DLGAP2: variants seen among roughly 807,000 people sequenced by gnomAD.
DLGAP2 encodes DLG associated protein 2, also known as disks large-associated protein 2.
Under a neutral mutation model 100.3 loss-of-function variants are expected in DLGAP2, and 26 were observed. The observed-to-expected ratio is 0.26, with a 90% CI of 0.19 to 0.36. The LOEUF is 0.36. Among genes scored for constraint, DLGAP2 ranks in the 10% least tolerant of loss-of-function variants. The pLI, the probability that DLGAP2 is intolerant of heterozygous loss-of-function variation, is 1.00. For synonymous variants in DLGAP2, 886 were observed against 630.1 expected (o/e 1.41, Z -6.08); for missense variants, 1,858 against 1,453.2 (o/e 1.28, Z -4.53).
chr8:1,097,538 C>G lies in DLGAP2; in HGVS notation c.74-161313C>G, dbSNP rs1804421577. ...CCCCTCCAGCGTGAGACCCACCTCC[C>G]TCTGCTCAGTAGAGTGGAGCTGGGA... is the stretch of plus-strand genomic sequence containing the variant. On this transcript the variant is annotated intron_variant, in intron 2 of 14. Coordinates refer to ENST00000637795, the MANE Select transcript of DLGAP2 (RefSeq NM_001346810.2). Among the ~76,000 whole-genome samples, 3 of 139,436 alleles carry G rather than the reference C, an allele frequency of 2.2e-5. 1 individual carries two copies. The highest frequency in any genetic ancestry group is 8.3e-5 in the African/African-American group (3 of 36,222). 91.5% of individuals were successfully genotyped at this position (139,436 alleles called of 152,430 possible).
chr8:1,218,616 G>C (rs1328646024), intron 2 of DLGAP2, among the ~76,000 whole-genome samples: 2 of 151,990 alleles, frequency 1.3e-5, no homozygotes, highest in Non-Finnish European at 2.9e-5. Flanking sequence ...TGGCTATTCA[G>C]GCTCTTTTTT....
At chr8:1,021,795 G>C (rs1050176843) in intron 2 of DLGAP2, among the ~76,000 whole-genome samples, 1 of 152,140 alleles carries the variant, frequency 6.6e-6, no homozygotes, top group African/African-American at 2.4e-5. Context: ...TGTGGGGTTG[G>C]AATGTGCACA....
intron 2 of DLGAP2, among the ~76,000 whole-genome samples, chr8:1,189,328 C>T (rs139198783): frequency 9.9e-5 from 15 of 151,946 alleles, no homozygotes; most frequent in African/African-American, 3.4e-4. Flanking sequence ...AGGAGCCCAT[C>T]GTAGGAGTCA....
At chr8:828,145 A>G in intron 1 of DLGAP2, among the ~76,000 whole-genome samples, 1 of 152,192 alleles carries the variant, frequency 6.6e-6, no homozygotes, top group Non-Finnish European at 1.5e-5. Flanking sequence ...ATTGCTAATG[A>G]AGTTTTGGGC....
At chr8:1,338,572 C>G (rs1171485536) in intron 3 of DLGAP2, among the ~76,000 whole-genome samples, 1 of 152,118 alleles carries the variant, frequency 6.6e-6, no homozygotes, top group Non-Finnish European at 1.5e-5. Flanking sequence ...TCTTGCACAC[C>G]TTTGTGAATA....
At chr8:759,146 A>G (rs1382260663) in intron 1 of DLGAP2, among the ~76,000 whole-genome samples, 18 of 39,804 alleles carry the variant, frequency 4.5e-4, no homozygotes, top group Admixed American at 1.6e-3. Context: ...CAGCTTTCCC[A>G]TTATCAATAC....
At chr8:1,025,418 ATTCT>A (rs1801769248) in intron 2 of DLGAP2, among the ~76,000 whole-genome samples, 1 of 152,202 alleles carries the variant, frequency 6.6e-6, no homozygotes, top group Non-Finnish European at 1.5e-5. Flanking sequence ...ATAAAATAGG[ATTCT>A]TTCCAGAGAA....
intron 6 of DLGAP2, among the ~76,000 whole-genome samples, chr8:1,622,652 G>A (rs1797375656): frequency 6.6e-6 from 1 of 152,178 alleles, no homozygotes; most frequent in African/African-American, 2.4e-5. Flanking sequence ...CAATCTAAGG[G>A]GAGCAACATC....
At chr8:1,489,403 AT>A (rs1288372047) in intron 3 of DLGAP2, among the ~76,000 whole-genome samples, 1 of 152,164 alleles carries the variant, frequency 6.6e-6, no homozygotes, top group East Asian at 1.9e-4. Context: ...CAGTGGTGCC[AT>A]TATCTGTGTG....
chr8:1,494,884 C>G (rs936519148), intron 3 of DLGAP2, among the ~76,000 whole-genome samples: 16 of 152,188 alleles, frequency 1.1e-4, no homozygotes, highest in African/African-American at 3.9e-4. Context: ...AGAGAACAAA[C>G]TTAACTTCCC....
chr8:1,307,270 A>C (rs1016252187), intron 3 of DLGAP2, among the ~76,000 whole-genome samples: 1 of 152,224 alleles, frequency 6.6e-6, no homozygotes, highest in East Asian at 1.9e-4. Flanking sequence ...AAGCACAGCA[A>C]CATCATTAAT....
At chr8:1,390,289 C>A (rs1796319638) in intron 3 of DLGAP2, among the ~76,000 whole-genome samples, 1 of 152,236 alleles carries the variant, frequency 6.6e-6, no homozygotes, top group Non-Finnish European at 1.5e-5. Flanking sequence ...TGTCTGTCAC[C>A]TACACAACGC....
intron 2 of DLGAP2, among the ~76,000 whole-genome samples, chr8:1,201,176 G>C (rs541297143): frequency 2.0e-5 from 3 of 152,204 alleles, no homozygotes; most frequent in Non-Finnish European, 2.9e-5. Flanking sequence ...AAGCCGCTGC[G>C]TAGGGAGCCC....
At chr8:1,552,653 T>A (rs1801808767) in intron 5 of DLGAP2, among the ~76,000 whole-genome samples, 1 of 152,170 alleles carries the variant, frequency 6.6e-6, no homozygotes, top group Non-Finnish European at 1.5e-5. Context: ...ACTAAAGGAA[T>A]TTGTCTGTGG....
chr8:1,697,070 G>C, intron 13 of DLGAP2, 77 bp from the exon 14 acceptor site: 2 of 1,365,108 alleles, frequency 1.5e-6, no homozygotes, highest in East Asian at 2.7e-5. Flanking sequence ...AAAGGCATGC[G>C]TGGGGAGGAG....
chr8:942,138 G>A (rs1799212136), intron 2 of DLGAP2, among the ~76,000 whole-genome samples: 1 of 152,178 alleles, frequency 6.6e-6, no homozygotes, highest in African/African-American at 2.4e-5. Context: ...TGTAGAGATG[G>A]GGTCTTGCAC....
chr8:1,493,569 G>A (rs1215071541), intron 3 of DLGAP2, among the ~76,000 whole-genome samples: 1 of 152,242 alleles, frequency 6.6e-6, no homozygotes, highest in African/African-American at 2.4e-5. Context: ...GAGGGTCCTG[G>A]TGAAGTTTCC....
chr8:1,141,172 G>T (rs762392056), intron 2 of DLGAP2, among the ~76,000 whole-genome samples: 1 of 152,172 alleles, frequency 6.6e-6, no homozygotes, highest in Non-Finnish European at 1.5e-5. Context: ...GGGCTTTTAC[G>T]TGGGGGCTGG....
At chr8:1,038,526 C>A (rs763515163) in intron 2 of DLGAP2, among the ~76,000 whole-genome samples, 1 of 152,172 alleles carries the variant, frequency 6.6e-6, no homozygotes, top group Non-Finnish European at 1.5e-5. Flanking sequence ...AATTCTTGAG[C>A]AACATTTTAT....
Sources: gnomAD v4.1 joint callset for allele counts (sites outside exome capture counted in the v4.1 genomes callset) on GRCh38, gnomAD v4.1.1 for gene constraint, MANE v1.5 for transcripts, NCBI Gene and HGNC (gene_info 2026-07-23, HGNC 2026-07-21) for gene names.